RBFOX1: variants seen among roughly 807,000 people sequenced by gnomAD.
The protein encoded by RBFOX1 is RNA binding protein fox-1 homolog 1.
In RBFOX1, 8 loss-of-function variants were observed where a neutral mutation model predicts 57.7. That is an observed-to-expected ratio of 0.14 (90% CI 0.08 to 0.25). The LOEUF (loss-of-function observed/expected upper bound fraction) is 0.25. Ranked by LOEUF, RBFOX1 falls within the 10% of genes least tolerant of loss-of-function variation. The pLI is 1.00. For synonymous variants in RBFOX1, 326 were observed against 222.4 expected (o/e 1.47, Z -4.15); for missense variants, 611 against 548.5 (o/e 1.11, Z -1.14).
At chr16:5,724,791 C>T (rs1054296099) in intron 3 of RBFOX1, among the ~76,000 whole-genome samples, 4 of 151,690 alleles carry the variant, frequency 2.6e-5, no homozygotes, top group African/African-American at 9.7e-5. Context: ...TATTCTTCTC[C>T]TTGTTGGATA....
chr16:6,239,968 A>T (rs2097531697), intron 1 of RBFOX1, among the ~76,000 whole-genome samples: 1 of 152,044 alleles, frequency 6.6e-6, no homozygotes, highest in African/African-American at 2.4e-5. Flanking sequence ...GTGGGAGTGG[A>T]TCTCTCAAGG....
At chr16:5,409,559 C>A (rs1417976525) in intron 1 of RBFOX1, among the ~76,000 whole-genome samples, 4 of 152,202 alleles carry the variant, frequency 2.6e-5, no homozygotes, top group Non-Finnish European at 5.9e-5. Context: ...TCTCTTCATA[C>A]TCAACAAATA....
chr16:6,032,500 G>C (rs1444766876), intron 1 of RBFOX1, among the ~76,000 whole-genome samples: 1 of 152,168 alleles, frequency 6.6e-6, no homozygotes, highest in Admixed American at 6.5e-5. Context: ...TGATGATCCT[G>C]TCTTTACGTA....
chr16:7,485,512 G>T (rs2065145714), intron 4 of RBFOX1, among the ~76,000 whole-genome samples: 1 of 152,192 alleles, frequency 6.6e-6, no homozygotes, highest in Admixed American at 6.5e-5. Flanking sequence ...GACAGGGAAT[G>T]AGGTGAATGA....
At chr16:6,031,911 A>G (rs12447958) in intron 1 of RBFOX1, among the ~76,000 whole-genome samples, 36,871 of 152,182 alleles carry the variant, frequency 0.24, 5,089 homozygotes, top group Non-Finnish European at 0.31. Context: ...ACATATCTTC[A>G]TAACACCATA....
chr16:6,887,999 T>A (rs777385553), intron 3 of RBFOX1, among the ~76,000 whole-genome samples: 2 of 152,042 alleles, frequency 1.3e-5, no homozygotes, highest in Non-Finnish European at 2.9e-5. Context: ...TTATTCTGTT[T>A]GGGGTTTTTG....
intron 3 of RBFOX1, among the ~76,000 whole-genome samples, chr16:6,997,750 T>C (rs1304025285): frequency 6.6e-6 from 1 of 152,194 alleles, no homozygotes; most frequent in South Asian, 2.1e-4. Context: ...AATATTAACT[T>C]TGTTGTTCTC....
chr16:5,791,109 C>A (rs540179492), intron 3 of RBFOX1, among the ~76,000 whole-genome samples: 61 of 152,230 alleles, frequency 4.0e-4, no homozygotes, highest in African/African-American at 1.4e-3. Context: ...CTCAAGTGAT[C>A]CGCCTGCGTT....
At chr16:6,793,519 A>G (rs572131112) in intron 3 of RBFOX1, among the ~76,000 whole-genome samples, 29 of 152,232 alleles carry the variant, frequency 1.9e-4, no homozygotes, top group African/African-American at 6.3e-4. Context: ...GCCATTTCCA[A>G]ACATTTCTAG....
chr16:6,377,318 C>G (rs568995539), intron 2 of RBFOX1, among the ~76,000 whole-genome samples: 1 of 151,926 alleles, frequency 6.6e-6, no homozygotes, highest in South Asian at 2.1e-4. Flanking sequence ...GTATCAGTCC[C>G]TGTATTTAGG....
At chr16:6,357,081 C>A (rs1282389218) in intron 2 of RBFOX1, among the ~76,000 whole-genome samples, 4 of 152,054 alleles carry the variant, frequency 2.6e-5, no homozygotes, top group Admixed American at 6.5e-5. Flanking sequence ...CCAAGGGAAG[C>A]AGCGCTCACT....
chr16:6,964,044 AGTCT>A lies in RBFOX1; in HGVS notation c.-15-88012_-15-88009del, dbSNP rs762682243. 4.0e-5 allele frequency among the ~76,000 whole-genome samples: 6 copies of A among 151,546 alleles called. No homozygotes were observed. The East Asian group carries it at 9.7e-4, about 25-fold the overall frequency. The stretch of plus-strand genomic sequence containing the variant: ...TTTTTATTTTCTTTTTTCAACATGA[AGTCT>A]TGCTCTGTCACCCAGGCTGGAGTGC... On this transcript the variant is annotated intron_variant, in intron 3 of 15. Transcript: ENST00000550418.
intron 3 of RBFOX1, among the ~76,000 whole-genome samples, chr16:5,704,885 G>A (rs543970454): frequency 6.6e-6 from 1 of 152,062 alleles, no homozygotes; most frequent in Non-Finnish European, 1.5e-5. Flanking sequence ...GAGACTTATC[G>A]GGCTTCTTAC....
At chr16:6,692,087 A>G (rs1256428571) in intron 3 of RBFOX1, among the ~76,000 whole-genome samples, 5 of 152,268 alleles carry the variant, frequency 3.3e-5, no homozygotes, top group Admixed American at 2.0e-4. Context: ...CAGAACTGCA[A>G]GATAATAAAC....
chr16:6,708,918 A>G (rs1294172317), intron 3 of RBFOX1, among the ~76,000 whole-genome samples: 1 of 151,868 alleles, frequency 6.6e-6, no homozygotes, highest in Non-Finnish European at 1.5e-5. Context: ...TGCGTCCCCA[A>G]CAGCTTAAGC....
At chr16:7,405,951 G>A (rs12599072) in intron 4 of RBFOX1, among the ~76,000 whole-genome samples, 10,319 of 152,162 alleles carry the variant, frequency 0.068, 412 homozygotes, top group East Asian at 0.18. Flanking sequence ...GGGCAGTTGA[G>A]GGATGCAACT....
intron 3 of RBFOX1, among the ~76,000 whole-genome samples, chr16:6,676,647 T>A (rs2057744700): frequency 6.6e-6 from 1 of 150,392 alleles, no homozygotes; most frequent in Non-Finnish European, 1.5e-5. Flanking sequence ...ACTTACTTTC[T>A]TTTTTTTTCT....
intron 2 of RBFOX1, among the ~76,000 whole-genome samples, chr16:6,419,709 A>G (rs954914247): frequency 6.6e-6 from 1 of 152,152 alleles, no homozygotes; most frequent in African/African-American, 2.4e-5. Flanking sequence ...TTCATAGACT[A>G]TATGACACAT....
intron 4 of RBFOX1, among the ~76,000 whole-genome samples, chr16:7,463,625 T>G (rs1279534242): frequency 1.3e-5 from 2 of 152,280 alleles, no homozygotes; most frequent in Middle Eastern, 3.4e-3. Flanking sequence ...CCATATGAAT[T>G]AGGGGTGAGA....
Sources: allele counts gnomAD v4.1 joint callset (sites outside exome capture counted in the v4.1 genomes callset), GRCh38; gene constraint gnomAD v4.1.1; transcripts MANE v1.5; gene names NCBI Gene and HGNC (gene_info 2026-07-23, HGNC 2026-07-21).